The following PISD variants were observed in gnomAD, a reference collection of about 807,000 sequenced individuals.
PISD encodes phosphatidylserine decarboxylase proenzyme, mitochondrial.
PISD carries 31 observed loss-of-function variants against 43.5 expected under a neutral mutation model. The observed-to-expected ratio is 0.71, with a 90% CI of 0.54 to 0.96. PISD has a LOEUF of 0.96. Ranked by LOEUF, PISD falls within the 40% of genes least tolerant of loss-of-function variation. The pLI, the probability that PISD is intolerant of heterozygous loss-of-function variation, is 0.00. For synonymous variants in PISD, 259 were observed against 228.7 expected (o/e 1.13, Z -1.20); for missense variants, 523 against 548.4 (o/e 0.95, Z 0.46).
chr22:31,639,405 A>AT (rs1417101864), intron 3 of PISD, among the ~76,000 whole-genome samples: 2 of 151,524 alleles, frequency 1.3e-5, no homozygotes, highest in East Asian at 3.9e-4. Context: ...TTTTTAATGT[A>AT]TTTTTTTGTA....
intron 1 of PISD, among the ~76,000 whole-genome samples, chr22:31,657,022 G>T (rs2074198902): frequency 6.6e-6 from 1 of 152,156 alleles, no homozygotes. Context: ...TGTGTTACAT[G>T]AGCTAGTTTG....
rs781170510 is a variant in PISD at position 31,619,840 on chromosome 22, T to C, written c.1006-4A>G. The C allele has an allele frequency of 1.2e-6, 2 of 1,607,652 alleles. No individual in the cohort carries two copies. Among genetic ancestry groups the C allele is most frequent in the Non-Finnish European group, 1.7e-6 (2 of 1,175,078 alleles). On this transcript the variant is annotated splice_region_variant and splice_polypyrimidine_tract_variant and intron_variant, in intron 7 of 7. Transcript: ENST00000439502. ...TTGGGCTGTTTGTGTGCAGGTCCTGTGGTGATAGGCTGGGGGTCAGTGGGG... is the reference window on the plus strand; with the variant it reads ...TTGGGCTGTTTGTGTGCAGGTCCTGCGGTGATAGGCTGGGGGTCAGTGGGG...
In PISD at chr22:31,630,772, G is replaced by A; in HGVS notation, c.322-8887C>T. The A allele has an allele frequency of 2.0e-6, 2 of 985,650 alleles. No homozygotes were observed. The highest frequency in any genetic ancestry group is 2.4e-6 in the Non-Finnish European group (2 of 830,126). The allele number at this position is 985,650 out of a possible 1,614,324, so 61.1% of individuals were successfully genotyped here. A position where few individuals can be genotyped will look rare whatever the true frequency, so the allele number is the denominator to read the frequency against. On this transcript the variant is annotated intron_variant, in intron 3 of 7. Transcript: ENST00000439502. The surrounding 1 kb of genome is among the most constrained non-coding windows in gnomAD (Gnocchi z 4.4). ...CCTGAGAAGTCACCTGGGGCTCCCGGCAGGGCCGGGGCGCCGGCTCCGCTC... is the reference window on the plus strand; with the variant it reads ...CCTGAGAAGTCACCTGGGGCTCCCGACAGGGCCGGGGCGCCGGCTCCGCTC...
intron 3 of PISD, among the ~76,000 whole-genome samples, chr22:31,622,866 C>T (rs1235342675): frequency 6.6e-6 from 1 of 152,212 alleles, no homozygotes; most frequent in Admixed American, 6.5e-5. Flanking sequence ...TGCTGCTTCT[C>T]TAAACACAAC....
At chr22:31,657,480 T>C (rs1415883216) in intron 1 of PISD, among the ~76,000 whole-genome samples, 1 of 151,868 alleles carries the variant, frequency 6.6e-6, no homozygotes, top group African/African-American at 2.4e-5. Context: ...TTTTTGACAA[T>C]AGTCACCCTG....
chr22:31,662,373 C>A, upstream of PISD: 1 of 675,948 alleles, frequency 1.5e-6, no homozygotes, highest in Admixed American at 2.5e-5. Context: ...CGCTTGGCAC[C>A]TGCGGAGGTA....
Position 31,640,880 on chromosome 22 carries a change from G to GTTTTTTTTTTTTTTTTTTTTTTTTTTTT in PISD, c.321+7220_321+7221insAAAAAAAAAAAAAAAAAAAAAAAAAAAA, listed in dbSNP as rs1214973570. ...ACAGGCATGAGCCACCACACCCGGT[G>GTTTTTTTTTTTTTTTTTTTTTTTTTTTT]TTTTTTTTTTTTTTTTTTTTTTTTG... is the stretch of plus-strand genomic sequence containing the variant. On this transcript the variant is annotated intron_variant, in intron 3 of 7. Transcript: ENST00000439502. Among the ~76,000 whole-genome samples, 2 of 24,596 alleles carry GTTTTTTTTTTTTTTTTTTTTTTTTTTTT rather than the reference G, an allele frequency of 8.1e-5. 1 individual carries two copies. The highest frequency in any genetic ancestry group is 1.3e-4 in the Non-Finnish European group (2 of 15,252). The allele number at this position is 24,596 out of a possible 152,430, so 16.1% of individuals were successfully genotyped here. A position where few individuals can be genotyped will look rare whatever the true frequency, so the allele number is the denominator to read the frequency against.
At chr22:31,625,616 C>T in intron 3 of PISD, 1 of 1,016,140 alleles carries the variant, frequency 9.8e-7, no homozygotes, top group Non-Finnish European at 1.4e-6. Context: ...TGCTCAGGCC[C>T]CCCAGGCCAG....
At position 31,619,356 on chromosome 22, in the gene PISD, A is replaced by C; in HGVS notation, c.*256T>G. On this transcript the variant is annotated 3_prime_UTR_variant, in exon 8 of 8. Coordinates refer to ENST00000439502, the MANE Select transcript of PISD (RefSeq NM_001326411.2). ...GTTTAAAAAGATCCAAATGTGACTGAGATCATTCCAGCCTGCACTTTTTAT... is the reference window on the plus strand; with the variant it reads ...GTTTAAAAAGATCCAAATGTGACTGCGATCATTCCAGCCTGCACTTTTTAT... 2 of 554,524 alleles carry C rather than the reference A, an allele frequency of 3.6e-6. No homozygotes were observed. Among genetic ancestry groups the C allele is most frequent in the Non-Finnish European group, 6.7e-6 (2 of 298,366 alleles). The allele number at this position is 554,524 out of a possible 1,614,324, so 34.4% of individuals were successfully genotyped here.
In PISD at chr22:31,638,989, C is replaced by CT. The variant is rs1461816964; in HGVS notation, c.321+9111dup. ...ACTGGATGACAGAGTGAGAGCCTGTCTTTTTTTTCCTTTTTTTCCCCCTGA... is the reference window on the plus strand; with the variant it reads ...ACTGGATGACAGAGTGAGAGCCTGTCTTTTTTTTTCCTTTTTTTCCCCCTGA... On this transcript the variant is annotated intron_variant, in intron 3 of 7. Coordinates refer to ENST00000439502, the MANE Select transcript of PISD (RefSeq NM_001326411.2). Among the ~76,000 whole-genome samples the CT allele has an allele frequency of 1.5e-4, 22 of 151,046 alleles. No individual in the cohort carries two copies. The South Asian group carries it at 4.0e-3, about 27-fold the overall frequency.
chr22:31,658,721 G>C (rs145247337), intron 1 of PISD, among the ~76,000 whole-genome samples: 1,606 of 152,090 alleles, frequency 0.011, 8 homozygotes, highest in Middle Eastern at 0.031. Context: ...TTTGCGGAGA[G>C]GAGGTCTCAC....
chr22:31,648,643 G>A (rs1179707578), intron 2 of PISD, among the ~76,000 whole-genome samples: 1 of 150,908 alleles, frequency 6.6e-6, no homozygotes, highest in Admixed American at 6.6e-5. Context: ...CTCCAGCCTA[G>A]GTAACAGAGC....
chr22:31,621,407 T>C lies in PISD; in HGVS notation c.624A>G (p.Val208=), dbSNP rs1448880557. ...GQVKNCEVEQ[V]KGVTYSLESF... is the part of the protein sequence containing the mutation. ...ACTCCAGGGAGTAGGTGACCCCCTT[T>C]ACCTGCTCCACCTCACAGTTCTTCA... Residue 208 remains valine (V), a synonymous_variant, in exon 5 of 8, where the codon GTA becomes GTG. Transcript: ENST00000439502. 1 of 1,613,986 alleles carries C rather than the reference T, an allele frequency of 6.2e-7. No homozygotes were observed. Among genetic ancestry groups the C allele is most frequent in the African/African-American group, 1.3e-5 (1 of 74,916 alleles).
intron 6 of PISD, 126 bp from the exon 7 acceptor site, chr22:31,620,839 GC>G: frequency 7.1e-7 from 1 of 1,408,236 alleles, no homozygotes. Context: ...AGCTGACTGG[GC>G]CCCACGGTCC....
At chr22:31,622,235 T>C (rs1022380825) in intron 3 of PISD, among the ~76,000 whole-genome samples, 14 of 152,208 alleles carry the variant, frequency 9.2e-5, no homozygotes, top group African/African-American at 3.4e-4. Flanking sequence ...TGTGTGACCC[T>C]AGCCACGGTG....
chr22:31,662,533 T>A (rs577791174), upstream of PISD: 52 of 401,828 alleles, frequency 1.3e-4, no homozygotes, highest in Non-Finnish European at 2.4e-4. Flanking sequence ...TGATCGAACT[T>A]GCTCATTTTA....
chr22:31,646,344 C>T (rs1305087171), intron 3 of PISD, among the ~76,000 whole-genome samples: 1 of 152,224 alleles, frequency 6.6e-6, no homozygotes, highest in African/African-American at 2.4e-5. Context: ...AGATCTCACA[C>T]TGCATTAGGC....
intron 3 of PISD, among the ~76,000 whole-genome samples, chr22:31,644,053 A>AAAAAC: frequency 6.6e-6 from 1 of 151,386 alleles, no homozygotes; most frequent in South Asian, 2.1e-4. Flanking sequence ...GTCTCAAAAA[A>AAAAAC]AAAAACAAAA....
chr22:31,662,546 G>A (rs2074351330), upstream of PISD: 2 of 375,896 alleles, frequency 5.3e-6, no homozygotes, highest in Non-Finnish European at 1.0e-5. Context: ...TCATTTTACG[G>A]ATGGGGAAAC....
Sources: gnomAD v4.1 joint callset for allele counts (sites outside exome capture counted in the v4.1 genomes callset) on GRCh38, gnomAD v4.1.1 for gene constraint, Gnocchi (gnomAD v3.1) non-coding constraint, MANE v1.5 for transcripts, NCBI Gene and HGNC (gene_info 2026-07-23, HGNC 2026-07-21) for gene names.